CARNMT1: variants seen among roughly 807,000 people sequenced by gnomAD.
CARNMT1 encodes the protein protein-L-histidine N-pros-methyltransferase CARNMT1.
A neutral mutation model predicts 49.6 loss-of-function variants in CARNMT1; 28 were observed. That is an observed-to-expected ratio of 0.56 (90% confidence interval 0.42 to 0.77). The LOEUF (loss-of-function observed/expected upper bound fraction) is 0.77. CARNMT1 is among the 30% of genes least tolerant of loss of function. CARNMT1 has a pLI of 0.00. For synonymous variants in CARNMT1, 178 were observed against 175.0 expected, an observed-to-expected ratio of 1.02 and a Z score of -0.13; for missense variants, 421 against 512.6, an observed-to-expected ratio of 0.82 and a Z score of 1.73.
chr9:74,999,986 T>C (rs1587665606), intron 3 of CARNMT1, 116 bp from the exon 4 acceptor site: 2 of 841,174 alleles, frequency 2.4e-6, no homozygotes, highest in Non-Finnish European at 3.6e-6. Context: ...GCTAAGACTC[T>C]GACTTCTCAC....
At chr9:75,022,346 C>T (rs1822396277) in intron 1 of CARNMT1, among the ~76,000 whole-genome samples, 2 of 149,972 alleles carry the variant, frequency 1.3e-5, no homozygotes, top group Admixed American at 1.3e-4. Context: ...GGTTCAGTCT[C>T]CCAAGTAGCT....
chr9:75,009,787 C>T (rs867071409), intron 3 of CARNMT1: 1 of 151,642 alleles, frequency 6.6e-6, no homozygotes, highest in Non-Finnish European at 1.5e-5. Flanking sequence ...ACATACAATG[C>T]CTGGCATTCA....
chr9:74,997,057 G>A (rs983478537), intron 5 of CARNMT1, among the ~76,000 whole-genome samples: 2 of 152,146 alleles, frequency 1.3e-5, no homozygotes, highest in African/African-American at 4.8e-5. Flanking sequence ...GGGGAGCCAG[G>A]GGCAGGCAGA....
At chr9:74,983,999 A>G in intron 7 of CARNMT1, 131 bp from the exon 8 acceptor site, 1 of 483,890 alleles carries the variant, frequency 2.1e-6, no homozygotes, top group Non-Finnish European at 3.7e-6. Flanking sequence ...AACTACCCCC[A>G]TAAGAGAGGT....
At chr9:74,988,430 T>C (rs1832914770) in intron 6 of CARNMT1, among the ~76,000 whole-genome samples, 2 of 152,368 alleles carry the variant, frequency 1.3e-5, no homozygotes, top group South Asian at 4.1e-4. Flanking sequence ...CAGTTTTACA[T>C]CTTATACTTC....
At chr9:75,016,939 G>A in intron 2 of CARNMT1, 1 of 394,466 alleles carries the variant, frequency 2.5e-6, no homozygotes, top group African/African-American at 2.1e-5. Context: ...AGTTAAGCAA[G>A]GGAAATTAAT....
At chr9:75,013,630 C>T (rs527883511) in intron 3 of CARNMT1, among the ~76,000 whole-genome samples, 6 of 151,308 alleles carry the variant, frequency 4.0e-5, no homozygotes, top group African/African-American at 7.3e-5. Flanking sequence ...TTCCAGGATA[C>T]ACTAAGTGAA....
intron 1 of CARNMT1, among the ~76,000 whole-genome samples, chr9:75,026,796 T>C (rs1200870525): frequency 1.3e-5 from 2 of 152,234 alleles, no homozygotes; most frequent in African/African-American, 2.4e-5. Context: ...CTAATTTAAC[T>C]ATCAGTCAAA....
chr9:75,023,759 T>C (rs1822445485), intron 1 of CARNMT1, among the ~76,000 whole-genome samples: 1 of 152,254 alleles, frequency 6.6e-6, no homozygotes, highest in Non-Finnish European at 1.5e-5. Flanking sequence ...AGCCACACTA[T>C]TTGATTACAC....
chr9:74,994,464 G>A (rs1833127506), intron 6 of CARNMT1, among the ~76,000 whole-genome samples: 1 of 152,116 alleles, frequency 6.6e-6, no homozygotes, highest in Admixed American at 6.6e-5. Context: ...GGGTCTCAGG[G>A]CATGTTGCCC....
intron 1 of CARNMT1, among the ~76,000 whole-genome samples, chr9:75,024,450 T>G (rs567707506): frequency 6.6e-6 from 1 of 152,346 alleles, no homozygotes; most frequent in East Asian, 1.9e-4. Context: ...CACCCCGTTA[T>G]TTCTAAAAGT....
intron 6 of CARNMT1, among the ~76,000 whole-genome samples, chr9:74,989,688 A>T (rs1832958071): frequency 6.6e-6 from 1 of 152,174 alleles, no homozygotes. Context: ...ATGCTTTAAA[A>T]GTGGCAAATG....
rs1833882097 is a variant in CARNMT1, at chr9:75,017,288, T to A, written c.391A>T (p.Ile131Leu). 1.9e-6 allele frequency: 3 copies of A among 1,613,592 alleles called. No homozygotes were observed. Among genetic ancestry groups the A allele is most frequent in the Non-Finnish European group, 2.5e-6 (3 of 1,179,654 alleles). Residue 131 changes from isoleucine to leucine, a missense_variant, in exon 2 of 8, where the codon ATA (isoleucine) becomes TTA (leucine). By Grantham distance (5) the Ile-to-Leu change is conservative. Around this residue, in one of 2 missense-constraint regions of CARNMT1, gnomAD observed 235 missense variants for 344.8 expected, o/e 0.68. Transcript: ENST00000376834. ...TATTCTTTATTTTCAAACATATGTA[T>A]GCAATCATTCACAATGGTCAGTAGT... is the stretch of plus-strand genomic sequence containing the variant. Reference protein sequence around the residue: ...EILLTIVNDCIHMFENKEYGE... With the variant: ...EILLTIVNDCLHMFENKEYGE...
chr9:74,995,068 T>TA (rs201220419), intron 6 of CARNMT1, among the ~76,000 whole-genome samples: 6,722 of 150,986 alleles, frequency 0.045, 210 homozygotes, highest in Middle Eastern at 0.071. Flanking sequence ...AAACAAATGT[T>TA]AAAAAAAAAG....
chr9:75,020,519 G>T (rs769989520), intron 1 of CARNMT1, among the ~76,000 whole-genome samples: 1 of 151,986 alleles, frequency 6.6e-6, no homozygotes, highest in Admixed American at 6.5e-5. Flanking sequence ...GCCTGCCTCC[G>T]CCTTCCAAAG....
At chr9:74,988,047 G>A (rs1832898367) in intron 6 of CARNMT1, among the ~76,000 whole-genome samples, 1 of 151,944 alleles carries the variant, frequency 6.6e-6, no homozygotes, top group Non-Finnish European at 1.5e-5. Flanking sequence ...CAACTCTCAT[G>A]TCTCTTCGTT....
In CARNMT1 at chr9:74,996,541, A is replaced by C; in HGVS notation, c.930T>G (p.Ala310=). Reference sequence around the variant, plus strand: ...GAGCTGTGTCTATGAAGAAACAGGTAGCAATACAGTCCCAGGTATCTAATG... The same window carrying C: ...GAGCTGTGTCTATGAAGAAACAGGTCGCAATACAGTCCCAGGTATCTAATG... The part of the protein sequence containing the change: ...YSECNTWDCI[A]TCFFIDTAHN... The change falls in exon 6 of 8, where the codon GCT becomes GCG. Residue 310 remains alanine, a synonymous_variant. Transcript: ENST00000376834. 6.3e-7 allele frequency: 1 copy of C among 1,595,496 alleles called. No individual in the cohort carries two copies. The highest frequency in any genetic ancestry group is 8.6e-7 in the Non-Finnish European group (1 of 1,168,054).
In CARNMT1 at chr9:75,028,266, T is replaced by C; in HGVS notation, c.-25A>G. The stretch of plus-strand genomic sequence containing the variant: ...TCGCCGCCGCGGCCCTCGGCCTGGC[T>C]CGCTTGCGTCTCTCCGCGACCGACA... On this transcript the variant is annotated 5_prime_UTR_variant, in exon 1 of 8. Coordinates refer to ENST00000376834, the MANE Select transcript of CARNMT1 (RefSeq NM_152420.3). 6 of 1,355,748 alleles carry C rather than the reference T, an allele frequency of 4.4e-6. No individual in the cohort carries two copies. Among genetic ancestry groups the C allele is most frequent in the Middle Eastern group, 5.4e-4 (2 of 3,704 alleles). The allele number at this position is 1,355,748 out of a possible 1,614,324, so 84.0% of individuals were successfully genotyped here.
chr9:75,005,954 G>C (rs1479274876), intron 3 of CARNMT1, among the ~76,000 whole-genome samples: 4 of 151,280 alleles, frequency 2.6e-5, no homozygotes, highest in Non-Finnish European at 5.9e-5. Context: ...ACTTACTGTG[G>C]CATAAACAGA....
Sources: gnomAD v4.1 joint callset for allele counts (sites outside exome capture counted in the v4.1 genomes callset) on GRCh38, gnomAD v4.1.1 for gene constraint, gnomAD v4.1.1 regional missense constraint, MANE v1.5 for transcripts, NCBI Gene and HGNC (gene_info 2026-07-23, HGNC 2026-07-21) for gene names.